The following BRD1 variants were observed in gnomAD, a reference collection of about 807,000 sequenced individuals.
The protein encoded by BRD1 is bromodomain-containing protein 1.
A neutral mutation model predicts 107.7 loss-of-function variants in BRD1; 24 were observed. The ratio of observed to expected loss-of-function variants is 0.22; its 90% CI spans 0.16 to 0.31. BRD1 has a LOEUF of 0.31. BRD1 is among the 10% of genes least tolerant of loss of function. The pLI is 1.00. For synonymous variants in BRD1, 744 were observed against 686.1 expected, an observed-to-expected ratio of 1.08 and a Z score of -1.32; for missense variants, 1,279 against 1,638.6, an observed-to-expected ratio of 0.78 and a Z score of 3.79.
chr22:49,778,806 C>G (rs560082701), intron 8 of BRD1, among the ~76,000 whole-genome samples: 1 of 152,006 alleles, frequency 6.6e-6, no homozygotes, highest in African/African-American at 2.4e-5. Flanking sequence ...GGACTACAGG[C>G]GCCCGCCACC....
intron 7 of BRD1, 129 bp downstream of exon 7, chr22:49,793,905 C>T (rs767987222): frequency 1.0e-5 from 13 of 1,298,614 alleles, no homozygotes; most frequent in South Asian, 3.0e-5. Context: ...GTGAATTTTA[C>T]GGAACTGGCG....
chr22:49,789,054 T>C (rs78871380), intron 7 of BRD1, among the ~76,000 whole-genome samples: 4,934 of 152,324 alleles, frequency 0.032, 179 homozygotes, highest in African/African-American at 0.083. Flanking sequence ...AGCAGTGCTT[T>C]CGGCTGCGAG....
At chr22:49,822,828 T>A in intron 2 of BRD1, 123 bp downstream of exon 2, 1 of 1,149,168 alleles carries the variant, frequency 8.7e-7, no homozygotes. Context: ...AGGGGAATAT[T>A]AGGAAGCTGC....
intron 1 of BRD1, chr22:49,825,844 C>G (rs997770130): frequency 1.3e-5 from 2 of 152,256 alleles, no homozygotes; most frequent in African/African-American, 4.8e-5. Flanking sequence ...CCTCCAGACA[C>G]TGGGTATCTT....
intron 8 of BRD1, among the ~76,000 whole-genome samples, chr22:49,780,252 C>CAGGA (rs1449362095): frequency 2.0e-5 from 3 of 152,212 alleles, no homozygotes; most frequent in Non-Finnish European, 2.9e-5. Flanking sequence ...GGAGTGGGGC[C>CAGGA]AGGAAGGGGA....
chr22:49,803,140 T>G lies in BRD1; in HGVS notation c.1524+1064A>C, dbSNP rs1301889975. Reference sequence around the variant, plus strand: ...CACCTGCCAGACCAGAGCACCAGACTCTGTAGTTCCCTGGAGCACAAGGCA... The same window carrying G: ...CACCTGCCAGACCAGAGCACCAGACGCTGTAGTTCCCTGGAGCACAAGGCA... On this transcript the variant is annotated intron_variant, in intron 3 of 12. Transcript: ENST00000404760. The surrounding 1 kb of genome is among the most constrained non-coding windows in gnomAD (Gnocchi z 4.4). Among the ~76,000 whole-genome samples the G allele has an allele frequency of 1.3e-5, 2 of 152,138 alleles. No homozygotes were observed. The highest frequency in any genetic ancestry group is 3.9e-4 in the East Asian group (2 of 5,192).
chr22:49,780,865 G>C (rs1038768631), intron 8 of BRD1, among the ~76,000 whole-genome samples: 1 of 152,222 alleles, frequency 6.6e-6, no homozygotes, highest in Non-Finnish European at 1.5e-5. Flanking sequence ...GCCCAACGTG[G>C]GGAACCCAGG....
chr22:49,776,195 G>T, intron 10 of BRD1, 36 bp from the exon 11 acceptor site: 2 of 1,568,578 alleles, frequency 1.3e-6, no homozygotes, highest in East Asian at 2.3e-5. Context: ...ACAGGCGTCA[G>T]CAGGACACGG....
chr22:49,822,320 G>C (rs2054381459), intron 2 of BRD1, among the ~76,000 whole-genome samples: 2 of 152,002 alleles, frequency 1.3e-5, no homozygotes, highest in African/African-American at 4.8e-5. Context: ...AGCTACTCAG[G>C]AGGCTGAGAC....
chr22:49,823,536 C>A lies in BRD1; in HGVS notation c.782G>T (p.Cys261Phe). The A allele has an allele frequency of 6.2e-7, 1 of 1,600,882 alleles. No individual in the cohort carries two copies. ...GGCGGGCCGGGCCCGCGACTGCAGGCAGTGGCGGCAGAGCCACTGGCCCTC... is the reference window on the plus strand; with the variant it reads ...GGCGGGCCGGGCCCGCGACTGCAGGAAGTGGCGGCAGAGCCACTGGCCCTC... ...IPEGQWLCRH[C>F]LQSRARPADC... Residue 261 changes from cysteine (C) to phenylalanine (F), a missense_variant, in exon 2 of 13, where the codon TGC (cysteine) becomes TTC (phenylalanine). Physicochemically the swap from Cys to Phe is radical, Grantham distance 205. Around this residue, in one of 7 missense-constraint regions of BRD1, gnomAD observed 158 missense variants for 310.2 expected, o/e 0.51. Coordinates refer to ENST00000404760, the MANE Select transcript of BRD1 (RefSeq NM_001304808.3).
intron 12 of BRD1, 190 bp downstream of exon 12, chr22:49,775,401 A>G: frequency 8.1e-6 from 4 of 491,950 alleles, no homozygotes; most frequent in Non-Finnish European, 1.3e-5. Context: ...TGCCCGTCCC[A>G]CAGTCCCGGC....
intron 2 of BRD1, among the ~76,000 whole-genome samples, chr22:49,808,077 G>A (rs965174511): frequency 2.6e-5 from 4 of 152,026 alleles, no homozygotes; most frequent in South Asian, 2.1e-4. Context: ...CTTGCGCACC[G>A]CCGGCAAGAA....
chr22:49,804,075 G>C, intron 3 of BRD1, 129 bp downstream of exon 3: 1 of 757,666 alleles, frequency 1.3e-6, no homozygotes, highest in Non-Finnish European at 2.0e-6. Flanking sequence ...GGCTGGACGA[G>C]ACGGAGGCTT....
intron 8 of BRD1, among the ~76,000 whole-genome samples, chr22:49,778,401 G>C (rs1368730294): frequency 6.6e-6 from 1 of 152,242 alleles, no homozygotes; most frequent in Non-Finnish European, 1.5e-5. Context: ...CGCCGTGTCT[G>C]AGTGTGTCTG....
At chr22:49,818,239 C>A in intron 2 of BRD1, 1 of 1,217,220 alleles carries the variant, frequency 8.2e-7, no homozygotes, top group South Asian at 1.4e-5. Context: ...AGGTTCTTGT[C>A]CGTGAGGCTG....
chr22:49,775,968 C>T, intron 11 of BRD1, 82 bp downstream of exon 11: 11 of 1,155,622 alleles, frequency 9.5e-6, no homozygotes, highest in South Asian at 2.8e-5. Flanking sequence ...GGACCACCGC[C>T]GTGAGCCTCC....
chr22:49,826,604 C>G (rs1234443730), intron 1 of BRD1, among the ~76,000 whole-genome samples: 1 of 152,252 alleles, frequency 6.6e-6, no homozygotes. Context: ...AGGGAGAAGC[C>G]GGCCACGCGC....
chr22:49,789,127 G>A (rs1041849206), intron 7 of BRD1, among the ~76,000 whole-genome samples: 6 of 152,176 alleles, frequency 3.9e-5, no homozygotes, highest in East Asian at 1.9e-4. Flanking sequence ...TCAAATACAA[G>A]GGGGAAGCCT....
At chr22:49,781,360 G>C (rs1443290275) in intron 8 of BRD1, among the ~76,000 whole-genome samples, 1 of 152,242 alleles carries the variant, frequency 6.6e-6, no homozygotes, top group Non-Finnish European at 1.5e-5. Context: ...CAGCGGCTGA[G>C]ACACCGCCCC....
Sources: gnomAD v4.1 joint callset for allele counts (sites outside exome capture counted in the v4.1 genomes callset) on GRCh38, gnomAD v4.1.1 for gene constraint, gnomAD v4.1.1 regional missense constraint, Gnocchi (gnomAD v3.1) non-coding constraint, MANE v1.5 for transcripts, NCBI Gene and HGNC (gene_info 2026-07-23, HGNC 2026-07-21) for gene names.